Variants in KDM3B observed in about 807,000 individuals in gnomAD.
The protein encoded by KDM3B is lysine demethylase 3B, also known as lysine-specific demethylase 3B.
A neutral mutation model predicts 170.0 loss-of-function variants in KDM3B; 10 were observed. The ratio of observed to expected loss-of-function variants is 0.06; its 90% CI spans 0.04 to 0.10. The LOEUF (loss-of-function observed/expected upper bound fraction) is 0.10, where lower values mean the gene tolerates loss of function less well. KDM3B is among the 10% of genes least tolerant of loss of function. The pLI is 1.00. For missense variants in KDM3B, 1,394 were observed against 2,195.2 expected (o/e 0.64, Z 7.29); for synonymous variants, 831 against 834.8 (o/e 1.00, Z 0.08).
At chr5:138,413,790 T>C (rs1289257007) in intron 11 of KDM3B, among the ~76,000 whole-genome samples, 1 of 151,998 alleles carries the variant, frequency 6.6e-6, no homozygotes, top group Non-Finnish European at 1.5e-5. Context: ...TACATCACCA[T>C]GCTTGGCTAA....
Position 138,386,656 on chromosome 5 carries a change from G to T in KDM3B, c.1380+35G>T, listed in dbSNP as rs1762272013. The T allele has an allele frequency of 3.8e-6, 6 of 1,586,386 alleles. No individual in the cohort carries two copies. The South Asian group carries it at 6.8e-5, about 18-fold the overall frequency. ...TTCAGGGGCAGATTTGCAAGATTTG[G>T]GTTTACTCTTTCGCCCTCCTTTATT... On this transcript the variant is annotated intron_variant, in intron 7 of 23. Transcript: ENST00000314358.
chr5:138,355,292 A>G (rs1267418342), intron 1 of KDM3B, among the ~76,000 whole-genome samples: 1 of 152,200 alleles, frequency 6.6e-6, no homozygotes, highest in Non-Finnish European at 1.5e-5. Flanking sequence ...GTGATTGAAA[A>G]CACACTTCTT....
At chr5:138,355,889 G>A (rs1048512173) in intron 1 of KDM3B, among the ~76,000 whole-genome samples, 2 of 152,142 alleles carry the variant, frequency 1.3e-5, no homozygotes, top group Non-Finnish European at 2.9e-5. Context: ...CAATCTCTTT[G>A]CTCATCTTTC....
intron 11 of KDM3B, among the ~76,000 whole-genome samples, chr5:138,410,623 C>T (rs568419601): frequency 6.6e-6 from 1 of 152,286 alleles, no homozygotes; most frequent in East Asian, 1.9e-4. Context: ...GCCCGGGGGA[C>T]CACTACCACC....
intron 19 of KDM3B, among the ~76,000 whole-genome samples, chr5:138,427,728 T>G (rs1184413212): frequency 6.6e-6 from 1 of 152,246 alleles, no homozygotes; most frequent in Admixed American, 6.5e-5. Context: ...ATATCTGTTT[T>G]GTTTTTCATG....
At chr5:138,393,147 T>C in intron 8 of KDM3B, 24 bp from the exon 9 acceptor site, 1 of 1,611,862 alleles carries the variant, frequency 6.2e-7, no homozygotes, top group Admixed American at 1.7e-5. Flanking sequence ...ATGACAAACT[T>C]TTCTTCTCTC....
At chr5:138,420,680 T>C (rs1267027405) in intron 14 of KDM3B, 26 bp from the exon 15 acceptor site, 2 of 1,612,350 alleles carry the variant, frequency 1.2e-6, no homozygotes, top group South Asian at 1.1e-5. Context: ...TTGTACCTAA[T>C]GCTGTTCCTG....
chr5:138,420,979 A>G lies in KDM3B; in HGVS notation c.3972+17A>G. Reference sequence around the variant, plus strand: ...TCCTCAGCAGTAAGTGTCCTCTGCAACTGTAGCCTTTTCAGCTTTTCCATG... The same window carrying G: ...TCCTCAGCAGTAAGTGTCCTCTGCAGCTGTAGCCTTTTCAGCTTTTCCATG... On this transcript the variant is annotated intron_variant, in intron 15 of 23. Transcript: ENST00000314358. 2 of 1,612,840 alleles carry G rather than the reference A, an allele frequency of 1.2e-6. No individual in the cohort carries two copies. The highest frequency in any genetic ancestry group is 1.7e-5 in the Admixed American group (1 of 59,980).
chr5:138,378,511 A>G (rs188186732), intron 4 of KDM3B, among the ~76,000 whole-genome samples: 214 of 152,254 alleles, frequency 1.4e-3, no homozygotes, highest in Non-Finnish European at 1.4e-3. Context: ...AAGGTAAACT[A>G]TTGGCTTCAT....
chr5:138,419,730 C>CACACACAT (rs1763220066), intron 14 of KDM3B, among the ~76,000 whole-genome samples: 18 of 35,530 alleles, frequency 5.1e-4, no homozygotes, highest in South Asian at 3.9e-3. Flanking sequence ...CACACACATA[C>CACACACAT]ACACACACAC....
At chr5:138,381,168 C>T (rs1762116301) in intron 5 of KDM3B, among the ~76,000 whole-genome samples, 1 of 152,176 alleles carries the variant, frequency 6.6e-6, no homozygotes. Context: ...ACCACCGCAC[C>T]CAGCCCTAGA....
chr5:138,353,892 CTT>C (rs891305688), intron 1 of KDM3B, among the ~76,000 whole-genome samples: 5 of 152,054 alleles, frequency 3.3e-5, no homozygotes, highest in African/African-American at 9.7e-5. Context: ...TGGCAAGCCA[CTT>C]TATTTCCTCA....
At chr5:138,432,040 C>T (rs1021184231) in intron 23 of KDM3B, among the ~76,000 whole-genome samples, 9 of 152,170 alleles carry the variant, frequency 5.9e-5, no homozygotes, top group Admixed American at 2.6e-4. Flanking sequence ...ACTGGGAATA[C>T]AGGTGTGAGC....
Position 138,392,229 on chromosome 5 carries a change from C to T in KDM3B, c.2597C>T (p.Pro866Leu). 5.3e-6 allele frequency: 8 copies of T among 1,503,316 alleles called. No individual in the cohort carries two copies. Among genetic ancestry groups the T allele is most frequent in the Non-Finnish European group, 7.1e-6 (8 of 1,124,914 alleles). The allele number at this position is 1,503,316 out of a possible 1,614,324, so 93.1% of individuals were successfully genotyped here. Reference sequence around the variant, plus strand: ...GGCAAAAGCAAAGGGAAGCAGGCCCCCAAGGGCCGGCCTCGGACTGCCCCC... The same window carrying T: ...GGCAAAAGCAAAGGGAAGCAGGCCCTCAAGGGCCGGCCTCGGACTGCCCCC... ...LLGKSKGKQA[P>L]KGRPRTAPLK... The change falls in exon 8 of 24, where the codon CCC becomes CTC. Residue 866 changes from proline to leucine, a missense_variant. This residue lies in a region of KDM3B where 84 missense variants were observed against 135.8 expected (regional missense o/e 0.62). Transcript: ENST00000314358.
At chr5:138,371,491 A>G (rs1252801774) in intron 1 of KDM3B, among the ~76,000 whole-genome samples, 3 of 151,766 alleles carry the variant, frequency 2.0e-5, no homozygotes, top group African/African-American at 4.8e-5. Context: ...TAAGCATAAT[A>G]TTTATTAGAA....
At chr5:138,377,975 T>C (rs1158481978) in intron 4 of KDM3B, 150 bp downstream of exon 4, 1 of 392,070 alleles carries the variant, frequency 2.6e-6, no homozygotes, top group African/African-American at 2.1e-5. Context: ...ATAATAATTA[T>C]TATTTATTAA....
intron 11 of KDM3B, among the ~76,000 whole-genome samples, chr5:138,401,111 A>G (rs1310344983): frequency 5.9e-5 from 9 of 151,990 alleles, no homozygotes; most frequent in Admixed American, 5.9e-4. Flanking sequence ...TCTCTACTAA[A>G]AATACAAAAA....
chr5:138,373,461 A>T (rs1761923457), intron 2 of KDM3B, among the ~76,000 whole-genome samples: 1 of 152,086 alleles, frequency 6.6e-6, no homozygotes, highest in Non-Finnish European at 1.5e-5. Context: ...TGAAAATAGC[A>T]TTATAAAATT....
chr5:138,387,400 C>T (rs1258397138), intron 7 of KDM3B, among the ~76,000 whole-genome samples: 2 of 151,936 alleles, frequency 1.3e-5, no homozygotes, highest in African/African-American at 4.8e-5. Flanking sequence ...ATATGAAATA[C>T]AGAGATGAAA....
Sources: gnomAD v4.1 joint callset for allele counts (sites outside exome capture counted in the v4.1 genomes callset) on GRCh38, gnomAD v4.1.1 for gene constraint, gnomAD v4.1.1 regional missense constraint, MANE v1.5 for transcripts, NCBI Gene and HGNC (gene_info 2026-07-23, HGNC 2026-07-21) for gene names.